Variants in ADK observed in about 807,000 individuals in gnomAD.
ADK encodes adenosine kinase.
Under a neutral mutation model 44.7 loss-of-function variants are expected in ADK, and 24 were observed. The ratio of observed to expected loss-of-function variants is 0.54; its 90% CI spans 0.39 to 0.76. The LOEUF (loss-of-function observed/expected upper bound fraction) is 0.76, where lower values mean the gene tolerates loss of function less well. ADK is among the 30% of genes least tolerant of loss of function. The pLI is 0.00. For missense variants in ADK, 321 were observed against 425.1 expected, an observed-to-expected ratio of 0.76 and a Z score of 2.15; for synonymous variants, 128 against 142.6, an observed-to-expected ratio of 0.90 and a Z score of 0.73.
intron 3 of ADK, among the ~76,000 whole-genome samples, chr10:74,284,337 T>C (rs985858316): frequency 1.3e-5 from 2 of 150,824 alleles, no homozygotes; most frequent in South Asian, 2.1e-4. Flanking sequence ...CGATCTCGGC[T>C]CACCGTGGCC....
chr10:74,449,278 G>C (rs1845689944), intron 6 of ADK, among the ~76,000 whole-genome samples: 1 of 152,114 alleles, frequency 6.6e-6, no homozygotes, highest in African/African-American at 2.4e-5. Flanking sequence ...CAACGTGCAG[G>C]CTTTTACTTT....
chr10:74,676,817 C>T (rs1046698052), intron 10 of ADK, among the ~76,000 whole-genome samples: 2 of 152,304 alleles, frequency 1.3e-5, no homozygotes, highest in African/African-American at 4.8e-5. Flanking sequence ...TAAAAATCCT[C>T]ACAACAGCTT....
chr10:74,168,422 C>G (rs1183253549), intron 1 of ADK, among the ~76,000 whole-genome samples: 1 of 151,152 alleles, frequency 6.6e-6, no homozygotes, highest in Non-Finnish European at 1.5e-5. Flanking sequence ...CGCTGTAGTT[C>G]CAGCTACTTG....
At chr10:74,251,588 C>T (rs1272622054) in intron 3 of ADK, among the ~76,000 whole-genome samples, 3 of 152,150 alleles carry the variant, frequency 2.0e-5, no homozygotes, top group Admixed American at 6.5e-5. Context: ...AATATTATTA[C>T]TATCTGGATT....
At chr10:74,477,294 T>G (rs1846887739) in intron 6 of ADK, among the ~76,000 whole-genome samples, 1 of 152,170 alleles carries the variant, frequency 6.6e-6, no homozygotes, top group Non-Finnish European at 1.5e-5. Context: ...AGCTGCAACT[T>G]CCCAGGCACA....
intron 4 of ADK, among the ~76,000 whole-genome samples, chr10:74,390,260 A>T (rs1843288352): frequency 6.6e-6 from 1 of 152,148 alleles, no homozygotes. Flanking sequence ...TTAGGCATTT[A>T]TACTGAGACA....
intron 6 of ADK, among the ~76,000 whole-genome samples, chr10:74,459,768 A>C (rs1212611330): frequency 6.6e-6 from 1 of 151,818 alleles, no homozygotes; most frequent in East Asian, 1.9e-4. Flanking sequence ...AGAAAAAAGA[A>C]AAAAATCAGG....
At chr10:74,663,632 T>G (rs1332038471) in intron 9 of ADK, among the ~76,000 whole-genome samples, 1 of 152,184 alleles carries the variant, frequency 6.6e-6, no homozygotes, top group Non-Finnish European at 1.5e-5. Flanking sequence ...TTTTATTCAG[T>G]TCAATAAACT....
At chr10:74,676,398 G>A (rs1855392850) in intron 10 of ADK, among the ~76,000 whole-genome samples, 1 of 152,140 alleles carries the variant, frequency 6.6e-6, no homozygotes, top group Admixed American at 6.6e-5. Context: ...CCAAAGTGCT[G>A]GATTTACAGG....
At chr10:74,696,251 C>G (rs868081770) in intron 10 of ADK, among the ~76,000 whole-genome samples, 26 of 151,716 alleles carry the variant, frequency 1.7e-4, no homozygotes, top group Admixed American at 5.3e-4. Context: ...GAACTCCTGA[C>G]CTCAAGTGAT....
At chr10:74,490,110 C>T (rs555557867) in intron 6 of ADK, among the ~76,000 whole-genome samples, 105 of 152,056 alleles carry the variant, frequency 6.9e-4, no homozygotes, top group Non-Finnish European at 1.1e-3. Context: ...AAAATTCCTT[C>T]CCTTTATTCT....
At chr10:74,680,392 C>T (rs1378395772) in intron 10 of ADK, among the ~76,000 whole-genome samples, 1 of 151,744 alleles carries the variant, frequency 6.6e-6, no homozygotes, top group Non-Finnish European at 1.5e-5. Context: ...TAAAAATGGT[C>T]TTATGTGTGT....
In ADK at chr10:74,451,156, A is replaced by AT. The variant is rs200300333; in HGVS notation, c.555+52586dup. On this transcript the variant is annotated intron_variant, in intron 6 of 10. Coordinates refer to ENST00000539909, the MANE Select transcript of ADK (RefSeq NM_006721.4). ...ATAAAACAATAGTTTTTATTTCATG[A>AT]TTTTTTTTTCAAGTTGTTCTGATTT... 5.0e-4 allele frequency among the ~76,000 whole-genome samples: 59 copies of AT among 118,974 alleles called. No individual in the cohort carries two copies. The East Asian group carries it at 0.013, about 27-fold the overall frequency. 78.1% of individuals were successfully genotyped at this position (118,974 alleles called of 152,430 possible). A position where few individuals can be genotyped will look rare whatever the true frequency, so the allele number is the denominator to read the frequency against.
intron 1 of ADK, among the ~76,000 whole-genome samples, chr10:74,171,804 G>C (rs1340567983): frequency 1.4e-5 from 2 of 147,924 alleles, no homozygotes; most frequent in African/African-American, 5.0e-5. Flanking sequence ...GTCTCTCTCT[G>C]TCTCTCTGTG....
chr10:74,501,340 C>T (rs537541364), intron 6 of ADK, among the ~76,000 whole-genome samples: 39 of 152,208 alleles, frequency 2.6e-4, no homozygotes, highest in Admixed American at 1.9e-3. Flanking sequence ...AGAGCCTGAT[C>T]CATGTATTTC....
intron 6 of ADK, among the ~76,000 whole-genome samples, chr10:74,438,317 C>T (rs1441043736): frequency 2.6e-5 from 4 of 151,864 alleles, no homozygotes; most frequent in African/African-American, 4.8e-5. Context: ...CTCCACCTCC[C>T]GAGTTCAAGC....
At chr10:74,252,689 G>C (rs1381674077) in intron 3 of ADK, among the ~76,000 whole-genome samples, 3 of 152,166 alleles carry the variant, frequency 2.0e-5, no homozygotes, top group African/African-American at 7.2e-5. Flanking sequence ...GTTCAGATTA[G>C]GTTAGGAAAT....
At chr10:74,413,879 T>C (rs924233005) in intron 6 of ADK, among the ~76,000 whole-genome samples, 2 of 152,144 alleles carry the variant, frequency 1.3e-5, no homozygotes, top group Non-Finnish European at 2.9e-5. Flanking sequence ...GAGACCACTG[T>C]AGGATTATTA....
At position 74,193,357 on chromosome 10, in the gene ADK, G is replaced by C. The variant is rs971926092; in HGVS notation, c.66-7407G>C. 2.6e-5 allele frequency among the ~76,000 whole-genome samples: 4 copies of C among 151,888 alleles called. No individual in the cohort carries two copies. In the South Asian group the frequency reaches 8.3e-4, roughly 32 times the overall value. ...GTTGGTGTGCTGCACCCATTAACTC[G>C]TCATTTAACATTAGGTATATCTCCT... On this transcript the variant is annotated intron_variant, in intron 1 of 10. Coordinates refer to ENST00000539909, the MANE Select transcript of ADK (RefSeq NM_006721.4).
Sources: gnomAD v4.1 joint callset for allele counts (sites outside exome capture counted in the v4.1 genomes callset) on GRCh38, gnomAD v4.1.1 for gene constraint, MANE v1.5 for transcripts, NCBI Gene and HGNC (gene_info 2026-07-23, HGNC 2026-07-21) for gene names.